The following FAAP20 variants were observed in gnomAD, a reference collection of about 807,000 sequenced individuals.
FAAP20 encodes FA core complex associated protein 20, also known as Fanconi anemia core complex-associated protein 20.
Under a neutral mutation model 16.2 loss-of-function variants are expected in FAAP20, and 12 were observed. The ratio of observed to expected loss-of-function variants is 0.74; its 90% CI spans 0.48 to 1.20. The LOEUF (loss-of-function observed/expected upper bound fraction) is 1.20. Ranked by LOEUF, FAAP20 falls within the 50% of genes most tolerant of loss-of-function variation. The pLI, the probability that FAAP20 is intolerant of heterozygous loss-of-function variation, is 0.00. For missense variants in FAAP20, 288 were observed against 245.8 expected (o/e 1.17, Z -1.15); for synonymous variants, 141 against 110.7 (o/e 1.27, Z -1.72).
In FAAP20 at chr1:2,189,794, G is replaced by T. The variant is rs754278076; in HGVS notation, c.471-13C>A. On this transcript the variant is annotated splice_polypyrimidine_tract_variant and intron_variant, in intron 3 of 3. Coordinates refer to ENST00000378546, the MANE Select transcript of FAAP20 (RefSeq NM_182533.4). ...CAGCTGGGTCAGCCTGCAAGGGAGG[G>T]GCCACACTCACTCGGCCACCTCCGC... 1 of 1,604,620 alleles carries T rather than the reference G, an allele frequency of 6.2e-7. No homozygotes were observed. The highest frequency in any genetic ancestry group is 8.5e-7 in the Non-Finnish European group (1 of 1,172,338).
chr1:2,209,866 G>T (rs1230337836), downstream of FAAP20, among the ~76,000 whole-genome samples: 1 of 152,212 alleles, frequency 6.6e-6, no homozygotes, highest in Non-Finnish European at 1.5e-5. Context: ...GACAGAGCTT[G>T]TCGGAGGAGG....
At position 2,193,675 on chromosome 1, in the gene FAAP20, C is replaced by G; in HGVS notation, c.434G>C (p.Arg145Pro). Residue 145 changes from arginine to proline, a missense_variant, in exon 3 of 4, where the codon CGC (arginine) becomes CCC (proline). Physicochemically the swap from Arg to Pro is moderately radical, Grantham distance 103. Transcript: ENST00000378546. ...CTCCTTCTGGCACATGGGGCAGCTG[C>G]GCAGGGCCGCGGCACCCTCCACAGA... ...QPSVEGAAALRSCPMCQKEFA... is the reference protein window; with the variant it reads ...QPSVEGAAALPSCPMCQKEFA... 1 of 1,600,862 alleles carries G rather than the reference C, an allele frequency of 6.2e-7. No individual in the cohort carries two copies. The highest frequency in any genetic ancestry group is 1.1e-5 in the South Asian group (1 of 89,884).
At chr1:2,187,798 G>A (rs1368848647), downstream of FAAP20, among the ~76,000 whole-genome samples, 1 of 152,142 alleles carries the variant, frequency 6.6e-6, no homozygotes, top group Non-Finnish European at 1.5e-5. Flanking sequence ...TTCCCGCCCA[G>A]CTCGCCCAGG....
In FAAP20 at chr1:2,189,581, C is replaced by A; in HGVS notation, c.*128G>T. ...CAACACAGAGACAGACAGGAGCCCG[C>A]CCTGCTTTAATGCGCATGCGGGGGA... On this transcript the variant is annotated 3_prime_UTR_variant, in exon 4 of 4. Transcript: ENST00000378546. 1.3e-6 allele frequency: 1 copy of A among 775,408 alleles called. No homozygotes were observed. 48.0% of individuals were successfully genotyped at this position (775,408 alleles called of 1,614,324 possible). A position where few individuals can be genotyped will look rare whatever the true frequency, so the allele number is the denominator to read the frequency against.
In FAAP20 at chr1:2,193,731, G is replaced by C; in HGVS notation, c.378C>G (p.Pro126=). ...RSLPQRPAPD[P]CRAPRVEQQP... ...GCTGCTCCACCCTGGGGGCCCTGCA[G>C]GGATCAGGTGCCGGGCGCTGGGGCA... The change falls in exon 3 of 4, where the codon CCC becomes CCG. Residue 126 remains proline, a synonymous_variant. Coordinates refer to ENST00000378546, the MANE Select transcript of FAAP20 (RefSeq NM_182533.4). 1.3e-6 allele frequency: 2 copies of C among 1,591,954 alleles called. No individual in the cohort carries two copies. The highest frequency in any genetic ancestry group is 4.5e-5 in the East Asian group (2 of 44,724).
At chr1:2,184,973 C>G (rs752045689), downstream of FAAP20, 2 of 1,613,902 alleles carry the variant, frequency 1.2e-6, no homozygotes, top group Non-Finnish European at 1.7e-6. Flanking sequence ...TTGAGTATAT[C>G]AACCCATTAT....
At position 2,194,689 on chromosome 1, in the gene FAAP20, C is replaced by A. The variant is rs1376172669; in HGVS notation, c.61G>T (p.Gly21Trp). 3 of 1,159,226 alleles carry A rather than the reference C, an allele frequency of 2.6e-6. No individual in the cohort carries two copies. Among genetic ancestry groups the A allele is most frequent in the Non-Finnish European group, 2.1e-6 (2 of 943,630 alleles). The allele number at this position is 1,159,226 out of a possible 1,614,324, so 71.8% of individuals were successfully genotyped here. ...CCCCCGCCCGGCTCCCGGCCTCACC[C>A]GCCCGCCGGGCGCGGCCTCCGGCGG... ...LSRRRPRPAG[G>W]PSGGRPWFLL... The change falls in exon 1 of 4, where the codon GGG becomes TGG. Residue 21 changes from glycine (G) to tryptophan (W), a missense_variant and splice_region_variant. Physicochemically the swap from Gly to Trp is radical, Grantham distance 184. Coordinates refer to ENST00000378546, the MANE Select transcript of FAAP20 (RefSeq NM_182533.4).
chr1:2,193,396 C>T (rs1180904720), intron 3 of FAAP20: 2 of 621,376 alleles, frequency 3.2e-6, no homozygotes, highest in African/African-American at 3.7e-5. Context: ...CCCAGCCTTC[C>T]TTCTGTGCTG....
upstream of FAAP20, chr1:2,203,351 G>A (rs1689120784): frequency 2.5e-5 from 23 of 920,830 alleles, no homozygotes; most frequent in Non-Finnish European, 2.7e-5. Context: ...AGGCTCTCTG[G>A]ACACCCCTCC....
At chr1:2,185,164 TGGGAGCAGAA>T, downstream of FAAP20, 1 of 770,050 alleles carries the variant, frequency 1.3e-6, no homozygotes, top group Non-Finnish European at 2.2e-6. Flanking sequence ...CGGGCGCTGC[TGGGAGCAGAA>T]CAGTCCCTCA....
chr1:2,199,666 G>C (rs1688969005), upstream of FAAP20: 1 of 981,902 alleles, frequency 1.0e-6, no homozygotes, highest in Non-Finnish European at 1.2e-6. The surrounding 1 kb of genome is among the most constrained non-coding windows in gnomAD (Gnocchi z 4.5). Context: ...ATGTCCACCA[G>C]TACCTGAGAA....
At chr1:2,193,591 C>T in intron 3 of FAAP20, 48 bp downstream of exon 3, 1 of 1,573,802 alleles carries the variant, frequency 6.4e-7, no homozygotes, top group Non-Finnish European at 8.5e-7. Flanking sequence ...GCTGTGGTTT[C>T]CAAACACGGA....
At position 2,193,801 on chromosome 1, in the gene FAAP20, A is replaced by G. The variant is rs1250838414; in HGVS notation, c.308T>C (p.Leu103Pro). ...DLWGPGRSYR[L>P]LHGAGGHLES... ...CAGGTGCCCTCCTGCCCCGTGAAGCAGCCGGTAGGAACGGCCCGGGCCCCA... is the reference window on the plus strand; with the variant it reads ...CAGGTGCCCTCCTGCCCCGTGAAGCGGCCGGTAGGAACGGCCCGGGCCCCA... The change falls in exon 3 of 4, where the codon CTG (leucine) becomes CCG (proline). Residue 103 changes from leucine to proline, a missense_variant. Coordinates refer to ENST00000378546, the MANE Select transcript of FAAP20 (RefSeq NM_182533.4). 6.2e-7 allele frequency: 1 copy of G among 1,604,276 alleles called. No homozygotes were observed. The highest frequency in any genetic ancestry group is 1.1e-5 in the South Asian group (1 of 90,432).
chr1:2,211,223 T>C (rs1217216196), downstream of FAAP20, among the ~76,000 whole-genome samples: 3 of 132,920 alleles, frequency 2.3e-5, no homozygotes, highest in East Asian at 6.3e-4. Context: ...TTTTTCTTTC[T>C]TTCTTTTTTT....
chr1:2,207,292 CCCCA>C (rs1165520513), downstream of FAAP20, among the ~76,000 whole-genome samples: 2 of 152,146 alleles, frequency 1.3e-5, no homozygotes, highest in African/African-American at 4.8e-5. Flanking sequence ...GAGGATGAAC[CCCCA>C]CCCTTCGCCG....
At chr1:2,195,437 C>T (rs1688772829), upstream of FAAP20, among the ~76,000 whole-genome samples, 1 of 152,242 alleles carries the variant, frequency 6.6e-6, no homozygotes, top group Non-Finnish European at 1.5e-5. Flanking sequence ...ACTTGCCTCT[C>T]CCTTGGCCCT....
At chr1:2,198,602 C>T (rs1342103624), upstream of FAAP20, 14 of 1,107,960 alleles carry the variant, frequency 1.3e-5, no homozygotes, top group South Asian at 1.9e-4. Flanking sequence ...CAGGCCTAAG[C>T]AGCCCGGTGG....
chr1:2,187,384 A>G (rs1040756101), downstream of FAAP20, among the ~76,000 whole-genome samples: 1 of 150,532 alleles, frequency 6.6e-6, no homozygotes, highest in Non-Finnish European at 1.5e-5. Context: ...GGCTCACTGC[A>G]ACCTCCACCT....
chr1:2,189,543 A>C, downstream of FAAP20: 1 of 640,742 alleles, frequency 1.6e-6, no homozygotes, highest in Non-Finnish European at 2.8e-6. Flanking sequence ...GAAAAGCGGC[A>C]GACGTTTCAT....
Sources: gnomAD v4.1 joint callset for allele counts (sites outside exome capture counted in the v4.1 genomes callset) on GRCh38, gnomAD v4.1.1 for gene constraint, Gnocchi (gnomAD v3.1) non-coding constraint, MANE v1.5 for transcripts, NCBI Gene and HGNC (gene_info 2026-07-23, HGNC 2026-07-21) for gene names.